Variants in ERG observed in about 807,000 individuals in gnomAD.
The protein encoded by ERG is ETS transcription factor ERG.
In ERG, 9 loss-of-function variants were observed where a neutral mutation model predicts 55.3. That is an observed-to-expected ratio of 0.16 (90% CI 0.10 to 0.28). The LOEUF (loss-of-function observed/expected upper bound fraction) is 0.28, where lower values mean the gene tolerates loss of function less well. Ranked by LOEUF, ERG falls within the 10% of genes least tolerant of loss-of-function variation. The probability of loss-of-function intolerance (pLI) is 1.00; values close to 1 mark genes in which losing one functional copy is unlikely to be tolerated. For synonymous variants in ERG, 223 were observed against 237.3 expected (o/e 0.94, Z 0.55); for missense variants, 434 against 631.6 (o/e 0.69, Z 3.35).
chr21:38,652,326 G>C (rs1265189262), intron 1 of ERG, among the ~76,000 whole-genome samples: 1 of 152,156 alleles, frequency 6.6e-6, no homozygotes, highest in East Asian at 1.9e-4. Context: ...CTGATCCTCT[G>C]ATCTTCCTAT....
At chr21:38,501,914 G>T (rs2059424268), upstream of ERG, among the ~76,000 whole-genome samples, 1 of 152,084 alleles carries the variant, frequency 6.6e-6, no homozygotes, top group Admixed American at 6.5e-5. Context: ...CACAATAAAA[G>T]AAACACTAGT....
At chr21:38,501,261 G>A (rs990700596), upstream of ERG, among the ~76,000 whole-genome samples, 6 of 151,394 alleles carry the variant, frequency 4.0e-5, no homozygotes, top group Non-Finnish European at 7.4e-5. Context: ...TAGAGACGGG[G>A]TTTCACCATA....
intron 1 of ERG, among the ~76,000 whole-genome samples, chr21:38,472,811 GTGCGCT>G (rs2059151511): frequency 6.6e-6 from 1 of 152,208 alleles, no homozygotes; most frequent in Non-Finnish European, 1.5e-5. Context: ...TGGGCAATTC[GTGCGCT>G]TGGAGCTCAG....
At chr21:38,378,462 A>G (rs543631260), downstream of ERG, among the ~76,000 whole-genome samples, 7 of 152,264 alleles carry the variant, frequency 4.6e-5, no homozygotes, top group African/African-American at 1.7e-4. Context: ...TCCAGATGTT[A>G]CCTTTCTGGA....
At chr21:38,588,872 T>C (rs894749210), upstream of ERG, among the ~76,000 whole-genome samples, 2 of 147,902 alleles carry the variant, frequency 1.4e-5, no homozygotes, top group Non-Finnish European at 3.0e-5. Flanking sequence ...AAAAGAGTCA[T>C]GCACCACCAT....
intron 1 of ERG, among the ~76,000 whole-genome samples, chr21:38,604,062 C>T (rs942186703): frequency 6.6e-6 from 1 of 151,016 alleles, no homozygotes; most frequent in African/African-American, 2.4e-5. Flanking sequence ...TCCTGGCTAA[C>T]ACGGTGAAAC....
chr21:38,552,493 C>T (rs2059830672), intron 2 of ERG, among the ~76,000 whole-genome samples: 1 of 152,092 alleles, frequency 6.6e-6, no homozygotes, highest in Non-Finnish European at 1.5e-5. Flanking sequence ...CCATGATTAA[C>T]TACACATTAT....
intron 1 of ERG, among the ~76,000 whole-genome samples, chr21:38,580,144 C>T (rs145557140): frequency 0.036 from 5,472 of 151,762 alleles, 334 homozygotes; most frequent in African/African-American, 0.12. Context: ...TTAGTAGAGA[C>T]GGGGTTTCAC....
chr21:38,436,682 C>A (rs1203539911), intron 2 of ERG, among the ~76,000 whole-genome samples: 1 of 152,188 alleles, frequency 6.6e-6, no homozygotes, highest in Non-Finnish European at 1.5e-5. Context: ...ATACCAAAAT[C>A]TATTAATAAA....
At chr21:38,453,896 A>AAAAAG (rs386394739) in intron 1 of ERG, among the ~76,000 whole-genome samples, 1 of 151,580 alleles carries the variant, frequency 6.6e-6, no homozygotes, top group Non-Finnish European at 1.5e-5. Context: ...AAAAAAAAAA[A>AAAAAG]AAGAAGAAGA....
intron 2 of ERG, among the ~76,000 whole-genome samples, chr21:38,437,765 A>G (rs2058804468): frequency 6.6e-6 from 1 of 151,910 alleles, no homozygotes; most frequent in Non-Finnish European, 1.5e-5. Flanking sequence ...CCACCTTCCA[A>G]CTATACCCAG....
At position 38,476,707 on chromosome 21, in the gene ERG, C is replaced by T. The variant is rs2226742; in HGVS notation, c.18+21656G>A. 0.017 allele frequency among the ~76,000 whole-genome samples: 2,617 copies of T among 152,198 alleles called. 153 individuals carry two copies. In the East Asian group the frequency reaches 0.21, roughly 12 times the overall value. On this transcript the variant is annotated intron_variant, in intron 1 of 9. Transcript: ENST00000288319. ...CATTAAAGAGACAGAATCCTTCCCC[C>T]CTCCTTGTAGACTAAACAACCAGAT...
intron 2 of ERG, among the ~76,000 whole-genome samples, chr21:38,429,220 T>C (rs1361420740): frequency 2.0e-5 from 3 of 151,958 alleles, no homozygotes; most frequent in African/African-American, 7.3e-5. Context: ...ATTTTCTTCC[T>C]TTTCATGGGT....
intron 1 of ERG, among the ~76,000 whole-genome samples, chr21:38,613,857 C>G (rs560430635): frequency 6.6e-6 from 1 of 152,208 alleles, no homozygotes; most frequent in East Asian, 1.9e-4. Context: ...CTGGGCCCCC[C>G]CTCTTCAGCC....
downstream of ERG, among the ~76,000 whole-genome samples, chr21:38,377,979 T>C (rs1390763026): frequency 6.6e-6 from 1 of 152,200 alleles, no homozygotes. Flanking sequence ...ACCATTCACC[T>C]GGGCCCTGCA....
In ERG at chr21:38,383,413, G is replaced by A; in HGVS notation, c.1430C>T (p.Thr477Ile). Residue 477 changes from threonine (T) to isoleucine (I), a missense_variant, in exon 10 of 10, where the codon ACT (threonine) becomes ATT (isoleucine). Physicochemically the swap from Thr to Ile is moderately conservative, Grantham distance 89. Around this residue, in one of 5 missense-constraint regions of ERG, gnomAD observed 107 missense variants for 126.8 expected, o/e 0.84. Transcript: ENST00000288319. This position sits in a 1 kb window ranked among gnomAD's most constrained non-coding sequence, Gnocchi z 5.7. ...GCCTCCGCCAGGTCTTTAGTAGTAA[G>A]TGCCCAGATGAGAAGGCATATGGCT... Reference protein sequence around the residue: ...PTSHMPSHLGTYY With the variant: ...PTSHMPSHLGIYY 6.7e-7 allele frequency: 1 copy of A among 1,502,776 alleles called. No homozygotes were observed. The highest frequency in any genetic ancestry group is 1.4e-5 in the African/African-American group (1 of 71,616). 93.1% of individuals were successfully genotyped at this position (1,502,776 alleles called of 1,614,324 possible).
At chr21:38,554,004 TA>T (rs150428263) in intron 2 of ERG, among the ~76,000 whole-genome samples, 1 of 151,178 alleles carries the variant, frequency 6.6e-6, no homozygotes, top group African/African-American at 2.4e-5. Flanking sequence ...ACAACTTCTT[TA>T]AAAAAAATGG....
intron 1 of ERG, among the ~76,000 whole-genome samples, chr21:38,622,509 C>CCA (rs543788569): frequency 9.5e-4 from 143 of 150,316 alleles, no homozygotes; most frequent in African/African-American, 3.0e-3. Flanking sequence ...ACCACACACA[C>CCA]CACACACACA....
At chr21:38,439,425 G>A (rs904976318) in intron 2 of ERG, among the ~76,000 whole-genome samples, 20 of 152,302 alleles carry the variant, frequency 1.3e-4, no homozygotes, top group African/African-American at 4.3e-4. Context: ...CTGAGCAGGC[G>A]CTGAAACTCC....
Sources: allele counts gnomAD v4.1 joint callset (sites outside exome capture counted in the v4.1 genomes callset), GRCh38; gene constraint gnomAD v4.1.1; regional missense constraint gnomAD v4.1.1; non-coding constraint Gnocchi (gnomAD v3.1); transcripts MANE v1.5; gene names NCBI Gene and HGNC (gene_info 2026-07-23, HGNC 2026-07-21).